UVRAG: variants seen among roughly 807,000 people sequenced by gnomAD.
UVRAG encodes the protein UV radiation resistance associated.
UVRAG carries 19 observed loss-of-function variants against 78.0 expected under a neutral mutation model. The ratio of observed to expected loss-of-function variants is 0.24; its 90% CI spans 0.17 to 0.36. The LOEUF (loss-of-function observed/expected upper bound fraction) is 0.36, where lower values mean the gene tolerates loss of function less well. Among genes scored for constraint, UVRAG ranks in the 10% least tolerant of loss-of-function variants. The pLI is 1.00. For missense variants in UVRAG, 740 were observed against 853.8 expected (o/e 0.87, Z 1.66); for synonymous variants, 323 against 324.6 (o/e 1.00, Z 0.05).
At chr11:75,890,746 A>C (rs1947197059) in intron 5 of UVRAG, among the ~76,000 whole-genome samples, 1 of 152,180 alleles carries the variant, frequency 6.6e-6, no homozygotes, top group Non-Finnish European at 1.5e-5. Context: ...GATAAGATGG[A>C]CTAGGAACAG....
intron 8 of UVRAG, among the ~76,000 whole-genome samples, chr11:76,000,643 G>T (rs995503419): frequency 6.6e-6 from 1 of 151,792 alleles, no homozygotes; most frequent in Non-Finnish European, 1.5e-5. Context: ...AAAGAAAAAA[G>T]TTAGATAGAT....
intron 6 of UVRAG, among the ~76,000 whole-genome samples, chr11:75,957,506 G>T (rs1948824533): frequency 6.6e-6 from 1 of 151,114 alleles, no homozygotes. Flanking sequence ...TTCAAGATTG[G>T]TTTGTCCCTT....
intron 13 of UVRAG, among the ~76,000 whole-genome samples, chr11:76,084,825 G>A (rs1005443796): frequency 2.0e-5 from 3 of 152,018 alleles, no homozygotes; most frequent in African/African-American, 7.2e-5. Flanking sequence ...ACTTTGGGAG[G>A]CTGAGGAAGG....
Position 75,879,986 on chromosome 11 carries a change from G to A in UVRAG, c.378G>A (p.Gln126=), listed in dbSNP as rs755374444. 4 of 1,614,158 alleles carry A rather than the reference G, an allele frequency of 2.5e-6. No homozygotes were observed. The highest frequency in any genetic ancestry group is 2.5e-6 in the Non-Finnish European group (3 of 1,180,014). The stretch of plus-strand genomic sequence containing the variant: ...GGGGTGGAAAGGAGAACATCTACCA[G>A]CTGTTGATTGAATGGAAAGTCTGTT... ...KIWGGKENIY[Q]LLIEWKVCLD... Residue 126 remains glutamine, a synonymous_variant, in exon 4 of 15, where the codon CAG becomes CAA. Coordinates refer to ENST00000356136, the MANE Select transcript of UVRAG (RefSeq NM_003369.4).
At chr11:75,927,931 G>C (rs1948148109) in intron 6 of UVRAG, among the ~76,000 whole-genome samples, 1 of 152,000 alleles carries the variant, frequency 6.6e-6, no homozygotes, top group Non-Finnish European at 1.5e-5. Flanking sequence ...CTGATTTCTA[G>C]TTTTTAAAAA....
intron 12 of UVRAG, among the ~76,000 whole-genome samples, chr11:76,060,960 C>G (rs137917803): frequency 7.2e-5 from 11 of 152,232 alleles, no homozygotes; most frequent in Non-Finnish European, 1.3e-4. Context: ...GCGCATGGCG[C>G]GGGACTGGCA....
At chr11:76,111,272 A>C (rs910215361) in intron 13 of UVRAG, among the ~76,000 whole-genome samples, 1 of 152,210 alleles carries the variant, frequency 6.6e-6, no homozygotes, top group African/African-American at 2.4e-5. Flanking sequence ...GCCTTTACGA[A>C]GCAATATAAT....
intron 13 of UVRAG, among the ~76,000 whole-genome samples, chr11:76,089,435 A>G (rs921415685): frequency 6.6e-6 from 1 of 152,176 alleles, no homozygotes; most frequent in Non-Finnish European, 1.5e-5. Context: ...ACTGGCTTAT[A>G]TGTAATTCAG....
At chr11:75,871,367 A>G (rs1946646809) in intron 3 of UVRAG, among the ~76,000 whole-genome samples, 1 of 148,566 alleles carries the variant, frequency 6.7e-6, no homozygotes, top group Non-Finnish European at 1.5e-5. Context: ...GCTCACTGCA[A>G]CCTCTGCCTC....
At chr11:76,043,795 C>A (rs1313824978) in intron 12 of UVRAG, among the ~76,000 whole-genome samples, 4 of 152,038 alleles carry the variant, frequency 2.6e-5, no homozygotes, top group Non-Finnish European at 5.9e-5. Context: ...TTCCAAGATA[C>A]AATAATTTAA....
chr11:75,879,926 T>C lies in UVRAG; in HGVS notation c.318T>C (p.Leu106=), dbSNP rs766242086. 3.1e-6 allele frequency: 5 copies of C among 1,614,226 alleles called. No homozygotes were observed. Among genetic ancestry groups the C allele is most frequent in the Non-Finnish European group, 4.2e-6 (5 of 1,180,030 alleles). ...SLDFGIMPDR[L]DTSVSCFVVK... ...ATTTTGGAATTATGCCAGACCGTCT[T>C]GATACATCTGTGTCTTGTTTCGTGG... Residue 106 remains leucine (L), a synonymous_variant, in exon 4 of 15, where the codon CTT becomes CTC. Transcript: ENST00000356136.
At chr11:76,107,361 T>C (rs1951989714) in intron 13 of UVRAG, among the ~76,000 whole-genome samples, 1 of 152,214 alleles carries the variant, frequency 6.6e-6, no homozygotes, top group African/African-American at 2.4e-5. Flanking sequence ...AACCTCTCAC[T>C]TTCTTCAGAG....
At chr11:75,892,212 A>G (rs753607073) in intron 5 of UVRAG, 92 of 441,368 alleles carry the variant, frequency 2.1e-4, no homozygotes, top group Non-Finnish European at 2.7e-4. Flanking sequence ...GAACCTGGAA[A>G]GAATTAAGCC....
At chr11:76,132,971 G>A (rs539575145) in intron 14 of UVRAG, among the ~76,000 whole-genome samples, 17 of 152,274 alleles carry the variant, frequency 1.1e-4, no homozygotes, top group African/African-American at 3.4e-4. Context: ...TTTCTACCTA[G>A]TGGCTTCATG....
At chr11:75,994,783 T>C (rs1949673057) in intron 8 of UVRAG, among the ~76,000 whole-genome samples, 1 of 152,216 alleles carries the variant, frequency 6.6e-6, no homozygotes, top group Non-Finnish European at 1.5e-5. Context: ...TTCTCTAGTA[T>C]GTGTCCGGGT....
intron 6 of UVRAG, among the ~76,000 whole-genome samples, chr11:75,957,918 A>G (rs1217951806): frequency 6.6e-6 from 1 of 152,240 alleles, no homozygotes; most frequent in African/African-American, 2.4e-5. Flanking sequence ...CAGTAAATCA[A>G]ATATTTCAAT....
At chr11:75,939,616 C>T (rs1948442601) in intron 6 of UVRAG, among the ~76,000 whole-genome samples, 1 of 152,066 alleles carries the variant, frequency 6.6e-6, no homozygotes, top group East Asian at 1.9e-4. Flanking sequence ...CAGGAAGCCT[C>T]ATGAGCATAT....
intron 14 of UVRAG, among the ~76,000 whole-genome samples, chr11:76,120,768 C>G (rs1352895482): frequency 6.6e-6 from 1 of 152,160 alleles, no homozygotes; most frequent in Non-Finnish European, 1.5e-5. Context: ...GGCTGGAAGT[C>G]ACAAAGCTAA....
intron 6 of UVRAG, among the ~76,000 whole-genome samples, chr11:75,937,338 T>C (rs535940814): frequency 1.8e-4 from 27 of 152,302 alleles, no homozygotes; most frequent in African/African-American, 5.5e-4. Flanking sequence ...ACTCTGCCAA[T>C]ATATTTACCA....
Sources: gnomAD v4.1 joint callset for allele counts (sites outside exome capture counted in the v4.1 genomes callset) on GRCh38, gnomAD v4.1.1 for gene constraint, MANE v1.5 for transcripts, NCBI Gene and HGNC (gene_info 2026-07-23, HGNC 2026-07-21) for gene names.